The following EHBP1 variants were observed in gnomAD, a reference collection of about 807,000 sequenced individuals.
EHBP1 encodes EH domain binding protein 1, also known as EH domain-binding protein 1.
In EHBP1, 55 loss-of-function variants were observed where a neutral mutation model predicts 144.0. The ratio of observed to expected loss-of-function variants is 0.38; its 90% CI spans 0.31 to 0.48. The LOEUF is 0.48. Ranked by LOEUF, EHBP1 falls within the 20% of genes least tolerant of loss-of-function variation. The pLI is 0.98. For missense variants in EHBP1, 1,200 were observed against 1,364.2 expected, an observed-to-expected ratio of 0.88 and a Z score of 1.90; for synonymous variants, 469 against 472.7, an observed-to-expected ratio of 0.99 and a Z score of 0.10.
chr2:62,802,388 A>C (rs1189573544), intron 5 of EHBP1, among the ~76,000 whole-genome samples: 1 of 152,186 alleles, frequency 6.6e-6, no homozygotes, highest in South Asian at 2.1e-4. Flanking sequence ...CTCTCACAAC[A>C]AAGAAGAATT....
In EHBP1 at chr2:63,043,416, A is replaced by T. The variant is rs552267761; in HGVS notation, c.3278-1650A>T. Among the ~76,000 whole-genome samples, 4 of 152,264 alleles carry T rather than the reference A, an allele frequency of 2.6e-5. No individual in the cohort carries two copies. The South Asian group carries it at 8.3e-4, about 32-fold the overall frequency. On this transcript the variant is annotated intron_variant, in intron 21 of 22. Transcript: ENST00000431489. ...AATGTAATAGTGATCAGTTATTTAA[A>T]GTATTTGTGTGGTTTTATATCGAAT... is the stretch of plus-strand genomic sequence containing the variant.
At chr2:62,969,347 G>A (rs895896343) in intron 14 of EHBP1, among the ~76,000 whole-genome samples, 2 of 151,956 alleles carry the variant, frequency 1.3e-5, no homozygotes, top group Non-Finnish European at 2.9e-5. Context: ...GTATTCTTTT[G>A]TTTAGGATTC....
intron 19 of EHBP1, among the ~76,000 whole-genome samples, chr2:63,004,892 A>G (rs971074335): frequency 1.3e-5 from 2 of 152,082 alleles, no homozygotes; most frequent in African/African-American, 4.8e-5. Context: ...CCTTACCCAC[A>G]TTCTGATTCA....
chr2:62,916,737 A>G (rs2054646234), intron 10 of EHBP1, among the ~76,000 whole-genome samples: 1 of 149,610 alleles, frequency 6.7e-6, no homozygotes, highest in Non-Finnish European at 1.5e-5. Context: ...TGTGTATTAT[A>G]TATCATCAAA....
At chr2:62,756,449 A>T (rs1404272354) in intron 3 of EHBP1, among the ~76,000 whole-genome samples, 1 of 152,208 alleles carries the variant, frequency 6.6e-6, no homozygotes, top group East Asian at 1.9e-4. Flanking sequence ...AGTTAGTATG[A>T]TGCAGTATGT....
chr2:63,011,142 CAAAAAAAAAAAA>C (rs58109395), intron 19 of EHBP1, among the ~76,000 whole-genome samples: 2 of 43,898 alleles, frequency 4.6e-5, no homozygotes, highest in South Asian at 7.8e-4. Flanking sequence ...CCTCACTTGT[CAAAAAAAAAAAA>C]AAAAAAAAAA....
chr2:62,974,884 T>C (rs2058647754), intron 14 of EHBP1, among the ~76,000 whole-genome samples: 1 of 152,148 alleles, frequency 6.6e-6, no homozygotes, highest in African/African-American at 2.4e-5. Context: ...GTTCCAGTTA[T>C]TATTGCTGTG....
intron 10 of EHBP1, among the ~76,000 whole-genome samples, chr2:62,939,720 G>T (rs933660743): frequency 6.6e-6 from 1 of 152,036 alleles, no homozygotes. Context: ...GAGAGTACCA[G>T]GGAAATGGAG....
At chr2:62,918,590 G>C (rs1433683219) in intron 10 of EHBP1, among the ~76,000 whole-genome samples, 1 of 152,056 alleles carries the variant, frequency 6.6e-6, no homozygotes, top group Non-Finnish European at 1.5e-5. Flanking sequence ...GACATAACAA[G>C]GAAATTTTTC....
intron 5 of EHBP1, among the ~76,000 whole-genome samples, chr2:62,810,763 T>TC (rs1265211998): frequency 2.0e-5 from 3 of 152,220 alleles, no homozygotes; most frequent in Non-Finnish European, 4.4e-5. Context: ...TCTCAGAACA[T>TC]CTAATGGAAG....
chr2:62,736,187 C>T (rs967293407), intron 2 of EHBP1, among the ~76,000 whole-genome samples: 2 of 87,666 alleles, frequency 2.3e-5, no homozygotes, highest in Non-Finnish European at 2.5e-5. Flanking sequence ...TTTGGATATT[C>T]TATTCTGTTT....
At chr2:62,900,394 A>G (rs2053298479) in intron 10 of EHBP1, among the ~76,000 whole-genome samples, 1 of 152,080 alleles carries the variant, frequency 6.6e-6, no homozygotes. Flanking sequence ...AATGGGGGAC[A>G]CAGGACTGCT....
At chr2:62,820,382 C>T (rs2045838381) in intron 5 of EHBP1, among the ~76,000 whole-genome samples, 1 of 151,620 alleles carries the variant, frequency 6.6e-6, no homozygotes, top group Non-Finnish European at 1.5e-5. Context: ...CAAAATTTAT[C>T]ATTTCAGACA....
intron 2 of EHBP1, among the ~76,000 whole-genome samples, chr2:62,724,565 G>C (rs193278054): frequency 3.9e-4 from 59 of 152,304 alleles, no homozygotes; most frequent in African/African-American, 1.3e-3. Flanking sequence ...TGAATTGTCA[G>C]AGTTCTTTTG....
intron 12 of EHBP1, among the ~76,000 whole-genome samples, chr2:62,946,435 T>C (rs1170415683): frequency 1.3e-5 from 2 of 152,330 alleles, no homozygotes; most frequent in East Asian, 3.9e-4. Context: ...TTTTACATAG[T>C]CTTTCCTTTC....
chr2:62,804,782 T>C (rs1254024420), intron 5 of EHBP1, among the ~76,000 whole-genome samples: 1 of 152,162 alleles, frequency 6.6e-6, no homozygotes, highest in Non-Finnish European at 1.5e-5. Flanking sequence ...GCAAGCAAGC[T>C]TTAACTCCCG....
At chr2:62,919,685 A>G (rs1045972494) in intron 10 of EHBP1, among the ~76,000 whole-genome samples, 10 of 152,230 alleles carry the variant, frequency 6.6e-5, no homozygotes, top group Non-Finnish European at 1.5e-5. Context: ...ACTGTACCTG[A>G]GAAAGATCTA....
intron 1 of EHBP1, among the ~76,000 whole-genome samples, chr2:62,680,931 C>A (rs977283824): frequency 6.6e-6 from 1 of 152,074 alleles, no homozygotes; most frequent in Admixed American, 6.6e-5. Context: ...GCTTTCCTAC[C>A]CTATCATACT....
At chr2:62,986,078 A>G (rs779591506) in intron 15 of EHBP1, among the ~76,000 whole-genome samples, 1 of 152,320 alleles carries the variant, frequency 6.6e-6, no homozygotes, top group African/African-American at 2.4e-5. Flanking sequence ...GCTTATTGGC[A>G]GCAAAAAAGT....
Sources: allele counts gnomAD v4.1 joint callset (sites outside exome capture counted in the v4.1 genomes callset), GRCh38; gene constraint gnomAD v4.1.1; transcripts MANE v1.5; gene names NCBI Gene and HGNC (gene_info 2026-07-23, HGNC 2026-07-21).